The following EEFSEC variants were observed in gnomAD, a reference collection of about 807,000 sequenced individuals.
The protein encoded by EEFSEC is selenocysteine-specific elongation factor.
Under a neutral mutation model 42.1 loss-of-function variants are expected in EEFSEC, and 43 were observed. The ratio of observed to expected loss-of-function variants is 1.02; its 90% CI spans 0.80 to 1.32. The LOEUF (loss-of-function observed/expected upper bound fraction) is 1.32, where lower values mean the gene tolerates loss of function less well. Ranked by LOEUF, EEFSEC falls within the 40% of genes most tolerant of loss-of-function variation. The pLI is 0.00. For missense variants in EEFSEC, 745 were observed against 803.6 expected (o/e 0.93, Z 0.88); for synonymous variants, 354 against 339.1 (o/e 1.04, Z -0.48).
chr3:128,364,005 T>C (rs2067559171), intron 6 of EEFSEC, among the ~76,000 whole-genome samples: 1 of 151,988 alleles, frequency 6.6e-6, no homozygotes, highest in African/African-American at 2.4e-5. Context: ...TCCTGATCTT[T>C]AAAACAAGGG....
At chr3:128,355,260 GCT>G (rs1232370905) in intron 5 of EEFSEC, among the ~76,000 whole-genome samples, 1 of 152,184 alleles carries the variant, frequency 6.6e-6, no homozygotes, top group African/African-American at 2.4e-5. Context: ...TAGTGGCCAG[GCT>G]CTCAGAACAG....
chr3:128,339,493 AGTGG>A (rs2067226957), intron 4 of EEFSEC, among the ~76,000 whole-genome samples: 1 of 152,244 alleles, frequency 6.6e-6, no homozygotes, highest in Non-Finnish European at 1.5e-5. Context: ...TCTCAGAGAC[AGTGG>A]ATCATAGGTA....
At chr3:128,394,478 A>C (rs1380653610) in intron 6 of EEFSEC, among the ~76,000 whole-genome samples, 1 of 141,686 alleles carries the variant, frequency 7.1e-6, no homozygotes, top group African/African-American at 2.8e-5. Context: ...GACATTTTTA[A>C]TATGTGGATT....
the EEFSEC span, among the ~76,000 whole-genome samples, chr3:128,421,495 C>T: frequency 6.6e-6 from 1 of 152,208 alleles, no homozygotes; most frequent in African/African-American, 2.4e-5. Context: ...CGGGACCTGA[C>T]TCTGGGTCTG....
chr3:128,270,307 G>T (rs2066400499), intron 4 of EEFSEC, among the ~76,000 whole-genome samples: 1 of 152,190 alleles, frequency 6.6e-6, no homozygotes, highest in African/African-American at 2.4e-5. Flanking sequence ...CCTGTTCAGG[G>T]CTACTAAGTG....
intron 1 of EEFSEC, among the ~76,000 whole-genome samples, chr3:128,185,425 A>AT (rs1459042373): frequency 6.6e-6 from 1 of 151,420 alleles, no homozygotes; most frequent in Non-Finnish European, 1.5e-5. Flanking sequence ...ACCATATCAT[A>AT]TTTTTTTAGA....
chr3:128,205,417 T>C (rs2107823569), intron 1 of EEFSEC, among the ~76,000 whole-genome samples: 1 of 151,764 alleles, frequency 6.6e-6, no homozygotes, highest in African/African-American at 2.4e-5. Flanking sequence ...AGAGCAAGGC[T>C]GGACTCCTGC....
intron 1 of EEFSEC, chr3:128,154,051 C>G: frequency 2.3e-6 from 1 of 433,426 alleles, no homozygotes; most frequent in South Asian, 6.3e-5. Context: ...CTGCAAGGCG[C>G]CTTCCTTAAA....
chr3:128,250,041 G>C (rs1403319978), intron 2 of EEFSEC, among the ~76,000 whole-genome samples: 2 of 151,978 alleles, frequency 1.3e-5, no homozygotes, highest in African/African-American at 2.4e-5. Flanking sequence ...GGCCATTTGT[G>C]TATCTTTTTT....
At chr3:128,386,587 A>G (rs1453693235) in intron 6 of EEFSEC, among the ~76,000 whole-genome samples, 3 of 152,178 alleles carry the variant, frequency 2.0e-5, no homozygotes, top group Non-Finnish European at 2.9e-5. Flanking sequence ...CTGCATTGCT[A>G]TAAAGGAACA....
intron 4 of EEFSEC, among the ~76,000 whole-genome samples, chr3:128,318,700 G>A (rs113134458): frequency 1.3e-5 from 2 of 152,224 alleles, no homozygotes; most frequent in African/African-American, 4.8e-5. Flanking sequence ...TGCCAGCATG[G>A]CTGCCCATGG....
chr3:128,333,011 G>T (rs560017686), intron 4 of EEFSEC, among the ~76,000 whole-genome samples: 16 of 152,322 alleles, frequency 1.1e-4, no homozygotes, highest in Admixed American at 2.6e-4. Flanking sequence ...TCTTTGAATT[G>T]AAGTAACTGA....
intron 6 of EEFSEC, among the ~76,000 whole-genome samples, chr3:128,364,302 A>G (rs916989350): frequency 2.1e-4 from 32 of 152,312 alleles, no homozygotes; most frequent in African/African-American, 7.2e-4. Flanking sequence ...ATTCACAGTC[A>G]GCATGGCAAG....
At chr3:128,236,596 A>T (rs1214077067) in intron 1 of EEFSEC, among the ~76,000 whole-genome samples, 1 of 152,188 alleles carries the variant, frequency 6.6e-6, no homozygotes, top group African/African-American at 2.4e-5. Flanking sequence ...TTTTGTTACT[A>T]GTAAGGTGTG....
intron 4 of EEFSEC, among the ~76,000 whole-genome samples, chr3:128,292,538 G>GT (rs1471559585): frequency 6.6e-6 from 1 of 151,402 alleles, no homozygotes; most frequent in African/African-American, 2.4e-5. Flanking sequence ...TCTTGTGTGT[G>GT]TTTTGTTGTG....
intron 6 of EEFSEC, among the ~76,000 whole-genome samples, chr3:128,395,185 T>C (rs1476299470): frequency 6.6e-6 from 1 of 152,126 alleles, no homozygotes; most frequent in African/African-American, 2.4e-5. Flanking sequence ...CTGTTATCCC[T>C]GCGTCACAAG....
At chr3:128,306,772 T>C (rs541765993) in intron 4 of EEFSEC, among the ~76,000 whole-genome samples, 1 of 152,380 alleles carries the variant, frequency 6.6e-6, no homozygotes, top group South Asian at 2.1e-4. Context: ...GTACTTCTTA[T>C]ATTTTTTGTC....
At chr3:128,303,403 A>G (rs1054687529) in intron 4 of EEFSEC, among the ~76,000 whole-genome samples, 1 of 152,132 alleles carries the variant, frequency 6.6e-6, no homozygotes, top group Non-Finnish European at 1.5e-5. Context: ...AGTCATTTCA[A>G]TTTTTACCTG....
intron 1 of EEFSEC, among the ~76,000 whole-genome samples, chr3:128,183,956 T>C (rs2065438203): frequency 6.6e-6 from 1 of 152,194 alleles, no homozygotes; most frequent in African/African-American, 2.4e-5. Context: ...GAGGATACAA[T>C]AGACCACCAG....
Sources: allele counts gnomAD v4.1 joint callset (sites outside exome capture counted in the v4.1 genomes callset), GRCh38; gene constraint gnomAD v4.1.1; transcripts MANE v1.5; gene names NCBI Gene and HGNC (gene_info 2026-07-23, HGNC 2026-07-21).